NR3C1: variants seen among roughly 807,000 people sequenced by gnomAD.
NR3C1 encodes the protein glucocorticoid receptor.
Under a neutral mutation model 74.0 loss-of-function variants are expected in NR3C1, and 14 were observed. That is an observed-to-expected ratio of 0.19 (90% CI 0.12 to 0.30). NR3C1 has a LOEUF of 0.30. NR3C1 is among the 10% of genes least tolerant of loss of function. The probability of loss-of-function intolerance (pLI) is 1.00; values close to 1 mark genes in which losing one functional copy is unlikely to be tolerated. For synonymous variants in NR3C1, 308 were observed against 332.5 expected, an observed-to-expected ratio of 0.93 and a Z score of 0.80; for missense variants, 695 against 909.8, an observed-to-expected ratio of 0.76 and a Z score of 3.04.
At chr5:143,430,139 A>G (rs1020723159) in intron 1 of NR3C1, among the ~76,000 whole-genome samples, 3 of 151,948 alleles carry the variant, frequency 2.0e-5, no homozygotes, top group African/African-American at 2.4e-5. Flanking sequence ...ATGGTTTTCT[A>G]ATAATATGGG....
chr5:143,422,582 A>G (rs1263446303), intron 1 of NR3C1, among the ~76,000 whole-genome samples: 3 of 152,158 alleles, frequency 2.0e-5, no homozygotes, highest in Non-Finnish European at 4.4e-5. Flanking sequence ...CATATAAAAG[A>G]GGCCTCAGGG....
chr5:143,408,891 G>T (rs1000708355), intron 1 of NR3C1: 2 of 152,080 alleles, frequency 1.3e-5, no homozygotes, highest in African/African-American at 4.8e-5. Flanking sequence ...TTTTAAAATT[G>T]TCTTACATCC....
intron 2 of NR3C1, among the ~76,000 whole-genome samples, chr5:143,318,106 A>G (rs1412190036): frequency 2.0e-5 from 3 of 152,096 alleles, no homozygotes; most frequent in Non-Finnish European, 4.4e-5. Context: ...GCATTGTTAC[A>G]TACTTGGTGA....
intron 6 of NR3C1, among the ~76,000 whole-genome samples, chr5:143,297,671 G>T (rs575857210): frequency 1.2e-3 from 187 of 152,230 alleles, no homozygotes; most frequent in African/African-American, 4.3e-3. Flanking sequence ...TAGACCAGGG[G>T]TATGTGTGTG....
chr5:143,404,502 C>T, upstream of NR3C1: 1 of 967,410 alleles, frequency 1.0e-6, no homozygotes, highest in African/African-American at 1.8e-5. Context: ...AACCCACCCT[C>T]CCCCGCGCCC....
At chr5:143,421,615 A>G (rs138755613) in intron 1 of NR3C1, among the ~76,000 whole-genome samples, 142 of 152,056 alleles carry the variant, frequency 9.3e-4, no homozygotes, top group Non-Finnish European at 1.7e-3. Flanking sequence ...GAGGTCTGGA[A>G]TTGAAGATCA....
intron 2 of NR3C1, among the ~76,000 whole-genome samples, chr5:143,326,209 T>C (rs1424718803): frequency 6.6e-6 from 1 of 152,274 alleles, no homozygotes; most frequent in Non-Finnish European, 1.5e-5. Context: ...ACCTTGTGAC[T>C]GTTGCCTGGC....
chr5:143,408,381 GA>G (rs1410890218), upstream of NR3C1, among the ~76,000 whole-genome samples: 3 of 152,124 alleles, frequency 2.0e-5, no homozygotes, highest in African/African-American at 7.2e-5. Flanking sequence ...TGGGTCATAG[GA>G]AGTATTTGCT....
upstream of NR3C1, chr5:143,404,324 C>A (rs1840903782): frequency 4.1e-6 from 4 of 985,686 alleles, no homozygotes; most frequent in Non-Finnish European, 4.8e-6. Context: ...GACACGCCCT[C>A]TGGGGAGGCT....
intron 2 of NR3C1, among the ~76,000 whole-genome samples, chr5:143,335,770 C>T (rs766801811): frequency 6.6e-6 from 1 of 152,164 alleles, no homozygotes; most frequent in Non-Finnish European, 1.5e-5. Flanking sequence ...TCCATTCTCC[C>T]GTTATTGGTC....
intron 2 of NR3C1, among the ~76,000 whole-genome samples, chr5:143,348,047 C>A (rs1203648404): frequency 6.6e-6 from 1 of 152,132 alleles, no homozygotes; most frequent in Non-Finnish European, 1.5e-5. Flanking sequence ...ACAGAGTAAA[C>A]CTGCCTATGA....
At chr5:143,322,010 T>G (rs852981) in intron 2 of NR3C1, among the ~76,000 whole-genome samples, 1,541 of 152,330 alleles carry the variant, frequency 0.01, 20 homozygotes, top group South Asian at 0.022. Context: ...CTTTCTATCT[T>G]TATCTGTTTT....
At chr5:143,310,350 C>T in intron 3 of NR3C1, 137 bp from the exon 4 acceptor site, 1 of 693,642 alleles carries the variant, frequency 1.4e-6, no homozygotes, top group Non-Finnish European at 2.6e-6. Context: ...TTCTTGCCTA[C>T]ATTGCCATTA....
rs577123291 is a variant in NR3C1 at position 143,416,328 on chromosome 5, C to A, written c.-13-15476G>T. On this transcript the variant is annotated intron_variant, in intron 1 of 8. Coordinates refer to the NR3C1 transcript ENST00000343796. ...TAGGCACATGACAGGGACAGATACACCTTAATTCTTGGCTTTCTGGGACTA... is the reference window on the plus strand; with the variant it reads ...TAGGCACATGACAGGGACAGATACAACTTAATTCTTGGCTTTCTGGGACTA... Among the ~76,000 whole-genome samples the A allele has an allele frequency of 2.0e-5, 3 of 152,258 alleles. No homozygotes were observed. The South Asian group carries it at 6.2e-4, about 32-fold the overall frequency.
At chr5:143,428,653 T>C (rs180936605) in intron 1 of NR3C1, among the ~76,000 whole-genome samples, 10 of 152,358 alleles carry the variant, frequency 6.6e-5, no homozygotes, top group Admixed American at 3.3e-4. Context: ...ATGGCAGGCT[T>C]GGGTGGTTGA....
At chr5:143,358,847 C>T (rs1051761805) in intron 2 of NR3C1, among the ~76,000 whole-genome samples, 3 of 151,730 alleles carry the variant, frequency 2.0e-5, no homozygotes, top group Non-Finnish European at 4.4e-5. Flanking sequence ...TTGTGGTGAG[C>T]CGAGATCACA....
rs10477205 is a variant in NR3C1 at position 143,333,032 on chromosome 5, G to C, written c.1185-18864C>G. The C allele has an allele frequency of 6.1e-5, 97 of 1,591,990 alleles. 1 individual carries two copies. Among genetic ancestry groups the C allele is most frequent in the Middle Eastern group, 4.5e-4 (2 of 4,470 alleles). ...ACACAGTGATTGAGGAGCACCTGGGGAAGTTTGGCTTCATTTGCTTGGAAG... is the reference window on the plus strand; with the variant it reads ...ACACAGTGATTGAGGAGCACCTGGGCAAGTTTGGCTTCATTTGCTTGGAAG... On this transcript the variant is annotated intron_variant, in intron 2 of 8. Coordinates refer to ENST00000394464, the MANE Select transcript of NR3C1 (RefSeq NM_000176.3).
chr5:143,381,432 G>GA (rs56670341), intron 2 of NR3C1, among the ~76,000 whole-genome samples: 37 of 147,094 alleles, frequency 2.5e-4, no homozygotes, highest in African/African-American at 4.5e-4. Flanking sequence ...CACAGAAATA[G>GA]AAAAAAAAAA....
intron 7 of NR3C1, among the ~76,000 whole-genome samples, chr5:143,284,082 T>C (rs1190303363): frequency 1.3e-5 from 2 of 152,196 alleles, no homozygotes; most frequent in Non-Finnish European, 2.9e-5. Flanking sequence ...AGTCTTATTA[T>C]TATTATTTTT....
Sources: allele counts gnomAD v4.1 joint callset (sites outside exome capture counted in the v4.1 genomes callset), GRCh38; gene constraint gnomAD v4.1.1; transcripts MANE v1.5; gene names NCBI Gene and HGNC (gene_info 2026-07-23, HGNC 2026-07-21).